Variants in DISP1 observed in about 807,000 individuals in gnomAD.
The protein encoded by DISP1 is dispatched RND transporter family member 1.
A neutral mutation model predicts 37.3 loss-of-function variants in DISP1; 30 were observed. The observed-to-expected ratio is 0.80, with a 90% CI of 0.60 to 1.09. The LOEUF is 1.09. Ranked by LOEUF, DISP1 falls within the 50% of genes least tolerant of loss-of-function variation. DISP1 has a pLI of 0.00. For missense variants in DISP1, 1,598 were observed against 1,879.5 expected (o/e 0.85, Z 2.77); for synonymous variants, 634 against 690.2 (o/e 0.92, Z 1.28).
At chr1:222,949,662 C>T (rs1675064726) in intron 3 of DISP1, among the ~76,000 whole-genome samples, 1 of 151,952 alleles carries the variant, frequency 6.6e-6, no homozygotes. Context: ...AGTCTTGCTC[C>T]ATCGCCCAGG....
At chr1:223,000,774 C>T (rs933098465) in intron 8 of DISP1, among the ~76,000 whole-genome samples, 1 of 152,032 alleles carries the variant, frequency 6.6e-6, no homozygotes, top group Non-Finnish European at 1.5e-5. Flanking sequence ...TGGGTAAGTC[C>T]CAGTTCTGAA....
At chr1:222,878,944 A>G (rs1670122756) in intron 1 of DISP1, among the ~76,000 whole-genome samples, 1 of 152,186 alleles carries the variant, frequency 6.6e-6, no homozygotes, top group Non-Finnish European at 1.5e-5. Flanking sequence ...GAGATTAAGT[A>G]TAAATACTTG....
intron 1 of DISP1, among the ~76,000 whole-genome samples, chr1:222,909,301 C>T (rs17163554): frequency 0.15 from 23,370 of 152,084 alleles, 1,951 homozygotes; most frequent in Non-Finnish European, 0.19. Flanking sequence ...TCCCTGGTTG[C>T]CTTAAAATTG....
intron 1 of DISP1, among the ~76,000 whole-genome samples, chr1:222,839,241 G>T (rs1031845100): frequency 7.9e-5 from 12 of 152,154 alleles, no homozygotes; most frequent in African/African-American, 2.9e-4. Flanking sequence ...ATAGGAGTGT[G>T]AACTCTATTG....
chr1:223,004,866 G>A lies in DISP1; in HGVS notation c.3469G>A (p.Ala1157Thr). ...ACTACAGTGCAGTGCCTTTTCCCAT[G>A]CCTTGTCTACAAGTCCCAGTGACAA... The part of the protein sequence containing the change: ...KKLQCSAFSH[A>T]LSTSPSDKGQ... Residue 1157 changes from alanine to threonine, a missense_variant, in exon 9 of 9, where the codon GCC becomes ACC. By Grantham distance (58) the Ala-to-Thr change is moderately conservative. Transcript: ENST00000675850. This position sits in a 1 kb window ranked among gnomAD's most constrained non-coding sequence, Gnocchi z 4.9. 2 of 1,608,944 alleles carry A rather than the reference G, an allele frequency of 1.2e-6. No individual in the cohort carries two copies. Among genetic ancestry groups the A allele is most frequent in the Non-Finnish European group, 1.7e-6 (2 of 1,179,994 alleles).
At chr1:222,963,580 C>G (rs1676224979) in intron 3 of DISP1, among the ~76,000 whole-genome samples, 1 of 152,148 alleles carries the variant, frequency 6.6e-6, no homozygotes, top group Non-Finnish European at 1.5e-5. Context: ...GAATACTATG[C>G]AGCCATTATA....
rs571151664 is a variant in DISP1, at chr1:222,815,068, C to T, written c.-169C>T. ...CGGCTCCGGGCCAGCATCCGAGAGC[C>T]CGGACTGGAGGTGAGTTCGCAGCCG... On this transcript the variant is annotated 5_prime_UTR_variant, in exon 1 of 9. Coordinates refer to ENST00000675850, the MANE Select transcript of DISP1 (RefSeq NM_001377229.1). 57 of 152,304 alleles carry T rather than the reference C, an allele frequency of 3.7e-4. No individual in the cohort carries two copies. Among genetic ancestry groups the T allele is most frequent in the African/African-American group, 1.3e-3 (52 of 41,540 alleles). 9.4% of individuals were successfully genotyped at this position (152,304 alleles called of 1,614,324 possible).
At chr1:222,976,658 G>C (rs1219637080) in intron 3 of DISP1, among the ~76,000 whole-genome samples, 1 of 151,928 alleles carries the variant, frequency 6.6e-6, no homozygotes, top group Non-Finnish European at 1.5e-5. Context: ...TGAATCTATA[G>C]TTGTTTCTCT....
chr1:222,970,143 G>A (rs1409899244), intron 3 of DISP1, among the ~76,000 whole-genome samples: 1 of 152,134 alleles, frequency 6.6e-6, no homozygotes, highest in African/African-American at 2.4e-5. Flanking sequence ...CACTCGGTTG[G>A]TAAACTAGAC....
intron 1 of DISP1, among the ~76,000 whole-genome samples, chr1:222,838,979 C>T (rs1453403730): frequency 6.6e-6 from 1 of 152,148 alleles, no homozygotes; most frequent in Non-Finnish European, 1.5e-5. Context: ...GGTTGTTCCT[C>T]AAACATTTAG....
rs1250829264 is a variant in DISP1 at position 222,942,942 on chromosome 1, T to C, written c.119T>C (p.Leu40Pro). Residue 40 changes from leucine to proline, a missense_variant, in exon 3 of 9, where the codon CTC becomes CCC. Leu to Pro is a moderately conservative substitution (Grantham distance 98). Transcript: ENST00000675850. ...PCDGDHAAQQLTPKEATRTKV... is the reference protein window; with the variant it reads ...PCDGDHAAQQPTPKEATRTKV... Reference sequence around the variant, plus strand: ...GATGGAGACCATGCAGCCCAGCAGCTCACACCCAAAGAAGCAACAAGAACA... The same window carrying C: ...GATGGAGACCATGCAGCCCAGCAGCCCACACCCAAAGAAGCAACAAGAACA... 1 of 1,614,100 alleles carries C rather than the reference T, an allele frequency of 6.2e-7. No homozygotes were observed. Among genetic ancestry groups the C allele is most frequent in the African/African-American group, 1.3e-5 (1 of 75,004 alleles).
rs758053660 is a variant in DISP1 at position 222,983,058 on chromosome 1, C to T, written c.510-22C>T. The stretch of plus-strand genomic sequence containing the variant: ...TGATGCTCTGTTTTTGATCATTTTT[C>T]CTTTGCTTTTTTTTTTTTCAGACCA... On this transcript the variant is annotated intron_variant, in intron 3 of 8. Transcript: ENST00000675850. 8.9e-6 allele frequency: 14 copies of T among 1,574,912 alleles called. No homozygotes were observed. In the African/African-American group the frequency reaches 1.5e-4, roughly 17 times the overall value.
chr1:222,834,119 G>A (rs757026605), intron 1 of DISP1, among the ~76,000 whole-genome samples: 5 of 152,102 alleles, frequency 3.3e-5, no homozygotes, highest in African/African-American at 7.2e-5. Context: ...CACTGTATCT[G>A]CAGCATCTTA....
rs115053530 is a variant in DISP1 at position 222,984,548 on chromosome 1, A to C, written c.539+1439A>C. ...TATATATAACAGGTTTATATGATAG[A>C]TATAACATGTTGACATACTTTAAAT... On this transcript the variant is annotated intron_variant, in intron 4 of 8. Transcript: ENST00000675850. Among the ~76,000 whole-genome samples, 1,309 of 150,696 alleles carry C rather than the reference A, an allele frequency of 8.7e-3. 9 individuals are homozygous for C. The highest frequency in any genetic ancestry group is 0.032 in the Middle Eastern group (9 of 282).
chr1:222,977,245 G>T (rs1677414334), intron 3 of DISP1, among the ~76,000 whole-genome samples: 1 of 151,524 alleles, frequency 6.6e-6, no homozygotes, highest in East Asian at 1.9e-4. Flanking sequence ...TGTTGGTCAG[G>T]CTGCTCTTGA....
intron 1 of DISP1, among the ~76,000 whole-genome samples, chr1:222,840,365 C>T (rs1244355477): frequency 6.6e-6 from 1 of 151,914 alleles, no homozygotes; most frequent in Non-Finnish European, 1.5e-5. Context: ...CCTTAGCCTC[C>T]CAAGTAGCTG....
chr1:223,005,682 G>A lies in DISP1; in HGVS notation c.4285G>A (p.Gly1429Arg), dbSNP rs778164331. The change falls in exon 9 of 9, where the codon GGA becomes AGA. Residue 1429 changes from glycine to arginine, a missense_variant. Gly to Arg is a moderately radical substitution (Grantham distance 125, BLOSUM62 -2). Transcript: ENST00000675850. ...AGACGTGAGCAATCTGGAGAGCAGTGGAGGGACTGAAAACAAGGCAGGAGG... is the reference window on the plus strand; with the variant it reads ...AGACGTGAGCAATCTGGAGAGCAGTAGAGGGACTGAAAACAAGGCAGGAGG... ...NRDVSNLESS[G>R]GTENKAGGKV... The A allele has an allele frequency of 6.2e-7, 1 of 1,614,036 alleles. No homozygotes were observed. Among genetic ancestry groups the A allele is most frequent in the South Asian group, 1.1e-5 (1 of 91,068 alleles).
chr1:222,995,559 C>G (rs1008934450), intron 8 of DISP1, among the ~76,000 whole-genome samples: 1 of 152,138 alleles, frequency 6.6e-6, no homozygotes, highest in Non-Finnish European at 1.5e-5. Context: ...CGGGAGACAC[C>G]GGGATGCAAG....
At chr1:222,948,241 G>A (rs1269476150) in intron 3 of DISP1, among the ~76,000 whole-genome samples, 2 of 152,172 alleles carry the variant, frequency 1.3e-5, no homozygotes, top group African/African-American at 4.8e-5. Flanking sequence ...ATGCACTGAG[G>A]GCAATACTGG....
Sources: gnomAD v4.1 joint callset for allele counts (sites outside exome capture counted in the v4.1 genomes callset) on GRCh38, gnomAD v4.1.1 for gene constraint, Gnocchi (gnomAD v3.1) non-coding constraint, MANE v1.5 for transcripts, NCBI Gene and HGNC (gene_info 2026-07-23, HGNC 2026-07-21) for gene names.